Variants in MAP4K4 observed in about 807,000 individuals in gnomAD.
MAP4K4 encodes the protein mitogen-activated protein kinase kinase kinase kinase 4.
MAP4K4 carries 38 observed loss-of-function variants against 189.6 expected under a neutral mutation model. The ratio of observed to expected loss-of-function variants is 0.20; its 90% CI spans 0.15 to 0.26. The LOEUF (loss-of-function observed/expected upper bound fraction) is 0.26. Among genes scored for constraint, MAP4K4 ranks in the 10% least tolerant of loss-of-function variants. The pLI is 1.00. For synonymous variants in MAP4K4, 610 were observed against 624.3 expected, an observed-to-expected ratio of 0.98 and a Z score of 0.34; for missense variants, 1,054 against 1,726.9, an observed-to-expected ratio of 0.61 and a Z score of 6.91.
intron 2 of MAP4K4, among the ~76,000 whole-genome samples, chr2:101,700,782 T>TG (rs557572227): frequency 2.5e-5 from 2 of 81,006 alleles, no homozygotes; most frequent in Admixed American, 1.4e-4. Context: ...GTAAAATGTG[T>TG]TTTTTTTTTT....
intron 2 of MAP4K4, among the ~76,000 whole-genome samples, chr2:101,776,474 C>A (rs1392313982): frequency 6.6e-6 from 1 of 151,282 alleles, no homozygotes; most frequent in Non-Finnish European, 1.5e-5. Context: ...TTTAACAAAT[C>A]TGTTTTTCAA....
intron 3 of MAP4K4, among the ~76,000 whole-genome samples, chr2:101,822,211 A>T (rs1382062901): frequency 6.6e-6 from 1 of 152,242 alleles, no homozygotes; most frequent in Non-Finnish European, 1.5e-5. Context: ...TGTACTATAC[A>T]TAACTATATG....
At chr2:101,766,053 G>T (rs889917320) in intron 2 of MAP4K4, among the ~76,000 whole-genome samples, 1 of 152,122 alleles carries the variant, frequency 6.6e-6, no homozygotes, top group African/African-American at 2.4e-5. Flanking sequence ...ACTTTCATTG[G>T]CCCTGGCTGT....
chr2:101,816,188 C>G (rs891582931), intron 3 of MAP4K4, among the ~76,000 whole-genome samples: 3 of 152,216 alleles, frequency 2.0e-5, no homozygotes, highest in African/African-American at 7.2e-5. Flanking sequence ...GAAGTCTCTT[C>G]TAAGCGCTTT....
At chr2:101,718,624 G>A (rs1261049368) in intron 2 of MAP4K4, among the ~76,000 whole-genome samples, 1 of 147,646 alleles carries the variant, frequency 6.8e-6, no homozygotes, top group African/African-American at 2.5e-5. Flanking sequence ...GTGGTGGTGG[G>A]GTGGATGGGT....
chr2:101,713,877 G>C (rs530121295), intron 2 of MAP4K4, among the ~76,000 whole-genome samples: 1 of 152,236 alleles, frequency 6.6e-6, no homozygotes, highest in East Asian at 1.9e-4. Flanking sequence ...CTGGGTGACA[G>C]AGCGAGACTC....
At chr2:101,699,892 A>T (rs2037307600) in intron 2 of MAP4K4, among the ~76,000 whole-genome samples, 1 of 152,232 alleles carries the variant, frequency 6.6e-6, no homozygotes, top group Non-Finnish European at 1.5e-5. Context: ...GCCCGGCTCA[A>T]CTGAATTTGG....
chr2:101,844,996 G>A (rs892897081), intron 12 of MAP4K4, among the ~76,000 whole-genome samples: 7 of 152,000 alleles, frequency 4.6e-5, no homozygotes, highest in African/African-American at 1.7e-4. Context: ...AGTGCCGCGT[G>A]GCAAGGGAGG....
chr2:101,783,707 A>G (rs755979265), intron 2 of MAP4K4, among the ~76,000 whole-genome samples: 1 of 152,194 alleles, frequency 6.6e-6, no homozygotes, highest in African/African-American at 2.4e-5. Context: ...ACACCACTAA[A>G]AAGTCAACGA....
exon 27 of MAP4K4, chr2:101,877,068 G>A (rs1392712561): frequency 6.2e-7 from 1 of 1,613,996 alleles, no homozygotes; most frequent in East Asian, 2.2e-5. Context: ...CCAAGGGAAG[G>A]TCTATCCTCT....
intron 10 of MAP4K4, among the ~76,000 whole-genome samples, chr2:101,840,387 CAG>C (rs771775977): frequency 2.6e-5 from 4 of 152,186 alleles, no homozygotes; most frequent in South Asian, 2.1e-4. Context: ...AACCCCCGCT[CAG>C]GGGATTTTTA....
chr2:101,788,681 G>A lies in MAP4K4; in HGVS notation c.124-2039G>A, dbSNP rs144113892. 1.5e-3 allele frequency among the ~76,000 whole-genome samples: 233 copies of A among 152,282 alleles called. 1 individual carries two copies. Among genetic ancestry groups the A allele is most frequent in the East Asian group, 0.013 (70 of 5,190 alleles). The stretch of plus-strand genomic sequence containing the variant: ...ATTAGTTTTTAGTTCCTTATACTCT[G>A]TTCCCTTAGTAAGGGAAACTCATGT... On this transcript the variant is annotated intron_variant, in intron 2 of 32. Coordinates refer to ENST00000324219, the Ensembl canonical transcript of MAP4K4.
At chr2:101,863,395 G>A (rs933728111) in intron 16 of MAP4K4, among the ~76,000 whole-genome samples, 1 of 152,136 alleles carries the variant, frequency 6.6e-6, no homozygotes, top group Non-Finnish European at 1.5e-5. Flanking sequence ...TGTGAGGATG[G>A]CTAGGTAGGT....
At chr2:101,753,652 G>T (rs1457198871) in intron 2 of MAP4K4, among the ~76,000 whole-genome samples, 3 of 151,422 alleles carry the variant, frequency 2.0e-5, no homozygotes, top group East Asian at 3.9e-4. Context: ...ATTTTTGTCC[G>T]CAAGTATACA....
intron 2 of MAP4K4, among the ~76,000 whole-genome samples, chr2:101,762,282 C>A (rs2068397): frequency 0.28 from 42,379 of 152,050 alleles, 6,655 homozygotes; most frequent in South Asian, 0.49. Flanking sequence ...TGGCAAATTG[C>A]CACACCTAGG....
At chr2:101,770,465 C>T (rs1056049835) in intron 2 of MAP4K4, among the ~76,000 whole-genome samples, 7 of 151,982 alleles carry the variant, frequency 4.6e-5, no homozygotes, top group South Asian at 2.1e-4. Flanking sequence ...TTAGTAGAGA[C>T]GGCATTTTGC....
intron 32 of MAP4K4, among the ~76,000 whole-genome samples, chr2:101,890,052 C>A (rs2098543263): frequency 6.6e-6 from 1 of 152,154 alleles, no homozygotes; most frequent in Admixed American, 6.5e-5. Flanking sequence ...ACCATAGCTG[C>A]AACTATAGCA....
At chr2:101,842,528 G>T in intron 10 of MAP4K4, 81 bp from the exon 11 acceptor site, 1 of 959,662 alleles carries the variant, frequency 1.0e-6, no homozygotes, top group Admixed American at 2.5e-5. Context: ...TTCTGCCAAG[G>T]TGCTCCTGCA....
intron 2 of MAP4K4, among the ~76,000 whole-genome samples, chr2:101,775,931 A>G (rs1035573830): frequency 6.6e-6 from 1 of 152,232 alleles, no homozygotes; most frequent in Non-Finnish European, 1.5e-5. Flanking sequence ...GGCTTCTCCC[A>G]TGCTGTCAGG....
Sources: gnomAD v4.1 joint callset for allele counts (sites outside exome capture counted in the v4.1 genomes callset) on GRCh38, gnomAD v4.1.1 for gene constraint, MANE v1.5 for transcripts, NCBI Gene and HGNC (gene_info 2026-07-23, HGNC 2026-07-21) for gene names.